Variants in BDKRB2 observed in about 807,000 individuals in gnomAD.
The protein encoded by BDKRB2 is bradykinin receptor B2.
Under a neutral mutation model 4.0 loss-of-function variants are expected in BDKRB2, and 6 were observed. That is an observed-to-expected ratio of 1.49 (90% CI 0.81 to 2.93). The LOEUF is 2.93. Among genes scored for constraint, BDKRB2 ranks in the 30% most tolerant of loss-of-function variants. The probability of loss-of-function intolerance (pLI) is 0.00; values close to 1 mark genes in which losing one functional copy is unlikely to be tolerated. For missense variants in BDKRB2, 478 were observed against 520.1 expected, an observed-to-expected ratio of 0.92 and a Z score of 0.79; for synonymous variants, 225 against 215.3, an observed-to-expected ratio of 1.05 and a Z score of -0.40.
intron 1 of BDKRB2, among the ~76,000 whole-genome samples, chr14:96,225,227 C>T (rs1009032060): frequency 6.6e-6 from 1 of 152,122 alleles, no homozygotes; most frequent in African/African-American, 2.4e-5. Context: ...CTGTTACATC[C>T]CCTCATTCTC....
chr14:96,219,158 A>T (rs1890496648), intron 1 of BDKRB2, among the ~76,000 whole-genome samples: 1 of 150,972 alleles, frequency 6.6e-6, no homozygotes, highest in African/African-American at 2.4e-5. Context: ...AAAAATTAGC[A>T]GGGCGTGGTA....
In BDKRB2 at chr14:96,207,781, A is replaced by G. The variant is rs8009853; in HGVS notation, c.-40+2822A>G. On this transcript the variant is annotated intron_variant, in intron 1 of 2. Coordinates refer to ENST00000554311, the MANE Select transcript of BDKRB2 (RefSeq NM_001379692.1). ...AATCTAAAACTGCTCTTTAAAAAAA[A>G]AAAGGCACACAGAGCAGATCTGCAT... Among the ~76,000 whole-genome samples the G allele has an allele frequency of 5.4e-3, 829 of 152,302 alleles. 8 individuals are homozygous for G. Among genetic ancestry groups the G allele is most frequent in the African/African-American group, 0.019 (781 of 41,554 alleles).
intron 1 of BDKRB2, among the ~76,000 whole-genome samples, chr14:96,220,096 A>T (rs899548066): frequency 1.3e-5 from 2 of 151,950 alleles, no homozygotes; most frequent in African/African-American, 2.4e-5. Flanking sequence ...ACCATTTACC[A>T]GCACCCCACT....
intron 1 of BDKRB2, among the ~76,000 whole-genome samples, chr14:96,212,054 G>T (rs1400748469): frequency 6.6e-6 from 1 of 152,158 alleles, no homozygotes; most frequent in Non-Finnish European, 1.5e-5. Context: ...AGACACCAGT[G>T]AGCCTGGCTG....
chr14:96,230,119 G>A (rs1008849095), intron 1 of BDKRB2, among the ~76,000 whole-genome samples: 2 of 151,802 alleles, frequency 1.3e-5, no homozygotes, highest in African/African-American at 2.4e-5. Context: ...GGGCTACAGA[G>A]CGAGACTCCG....
chr14:96,221,362 G>A (rs866804553), intron 1 of BDKRB2, among the ~76,000 whole-genome samples: 4 of 152,122 alleles, frequency 2.6e-5, no homozygotes, highest in South Asian at 4.1e-4. Flanking sequence ...CATCAGCTTC[G>A]TTGTCGTCAT....
At chr14:96,237,396 GAGA>G (rs1215821995) in intron 2 of BDKRB2, among the ~76,000 whole-genome samples, 9 of 152,194 alleles carry the variant, frequency 5.9e-5, no homozygotes, top group African/African-American at 2.2e-4. Flanking sequence ...GGGGCTCAGG[GAGA>G]AGAAGGGCAC....
chr14:96,228,854 T>A (rs952940159), intron 1 of BDKRB2, among the ~76,000 whole-genome samples: 20 of 152,196 alleles, frequency 1.3e-4, no homozygotes, highest in African/African-American at 4.8e-4. Flanking sequence ...GAGAAAGGAC[T>A]TGACACTTGG....
chr14:96,205,306 G>A (rs1200219701), intron 1 of BDKRB2, among the ~76,000 whole-genome samples: 2 of 152,148 alleles, frequency 1.3e-5, no homozygotes, highest in African/African-American at 4.8e-5. Context: ...GTGTGGTGCA[G>A]CAGGGACGGG....
chr14:96,238,879 C>A, intron 2 of BDKRB2: 3 of 986,872 alleles, frequency 3.0e-6, no homozygotes, highest in Non-Finnish European at 3.6e-6. Context: ...TCAGGCAGGG[C>A]AGGGGCCGGG....
intron 1 of BDKRB2, among the ~76,000 whole-genome samples, chr14:96,231,524 G>A (rs1021175950): frequency 6.6e-6 from 1 of 152,146 alleles, no homozygotes; most frequent in Non-Finnish European, 1.5e-5. Context: ...GCTGTGGCCT[G>A]AGGCTTACCT....
At chr14:96,240,288 C>A in intron 2 of BDKRB2, 115 bp from the exon 3 acceptor site, 1 of 1,343,168 alleles carries the variant, frequency 7.4e-7, no homozygotes, top group South Asian at 2.7e-5. Flanking sequence ...TGAGCTCCAC[C>A]TCGGCTTCTC....
intron 1 of BDKRB2, among the ~76,000 whole-genome samples, chr14:96,212,787 T>C (rs976497498): frequency 1.3e-5 from 2 of 152,182 alleles, no homozygotes; most frequent in African/African-American, 4.8e-5. Flanking sequence ...CCCCAGTTCT[T>C]TGATGGGTTT....
chr14:96,216,748 GAAGGAGGAGGAGGAGGAGGA>G, intron 1 of BDKRB2, among the ~76,000 whole-genome samples: 1 of 104,414 alleles, frequency 9.6e-6, no homozygotes, highest in Non-Finnish European at 1.9e-5. Context: ...GGAGGAGGAG[GAAGGAGGAGGAGGAGGAGGA>G]AGGAGGAGGA....
At chr14:96,207,358 T>C (rs1189919230) in intron 1 of BDKRB2, among the ~76,000 whole-genome samples, 1 of 152,162 alleles carries the variant, frequency 6.6e-6, no homozygotes, top group Non-Finnish European at 1.5e-5. Flanking sequence ...TGAAAAGGCA[T>C]ATGCTGTATG....
intron 2 of BDKRB2, chr14:96,237,684 G>A (rs1566695621): frequency 7.8e-7 from 1 of 1,287,840 alleles, no homozygotes; most frequent in Non-Finnish European, 1.0e-6. Flanking sequence ...CAAGGCTGAG[G>A]GGTCCACTCC....
chr14:96,226,013 C>T (rs556630782), intron 1 of BDKRB2, among the ~76,000 whole-genome samples: 26 of 152,340 alleles, frequency 1.7e-4, no homozygotes, highest in Non-Finnish European at 3.1e-4. Flanking sequence ...CCAGCTACGG[C>T]TCACTTCCCA....
intron 1 of BDKRB2, among the ~76,000 whole-genome samples, chr14:96,222,173 A>T (rs951701005): frequency 2.0e-5 from 3 of 151,890 alleles, no homozygotes; most frequent in African/African-American, 7.3e-5. Flanking sequence ...AAAAGACACC[A>T]CTCAGCCACA....
At chr14:96,237,918 T>A in intron 2 of BDKRB2, 1 of 1,248,432 alleles carries the variant, frequency 8.0e-7, no homozygotes, top group Non-Finnish European at 1.0e-6. Flanking sequence ...TATACTTTGG[T>A]CTCTAGTGAG....
Sources: gnomAD v4.1 joint callset for allele counts (sites outside exome capture counted in the v4.1 genomes callset) on GRCh38, gnomAD v4.1.1 for gene constraint, MANE v1.5 for transcripts, NCBI Gene and HGNC (gene_info 2026-07-23, HGNC 2026-07-21) for gene names.